The following SLC35F3 variants were observed in gnomAD, a reference collection of about 807,000 sequenced individuals.
The protein encoded by SLC35F3 is putative thiamine transporter SLC35F3.
In SLC35F3, 25 loss-of-function variants were observed where a neutral mutation model predicts 49.9. That is an observed-to-expected ratio of 0.50 (90% CI 0.37 to 0.70). The LOEUF (loss-of-function observed/expected upper bound fraction) is 0.70. Ranked by LOEUF, SLC35F3 falls within the 30% of genes least tolerant of loss-of-function variation. The pLI, the probability that SLC35F3 is intolerant of heterozygous loss-of-function variation, is 0.00. For missense variants in SLC35F3, 525 were observed against 639.8 expected, an observed-to-expected ratio of 0.82 and a Z score of 1.94; for synonymous variants, 275 against 265.4, an observed-to-expected ratio of 1.04 and a Z score of -0.35.
chr1:233,925,954 A>G (rs1662150753), intron 2 of SLC35F3, among the ~76,000 whole-genome samples: 1 of 152,178 alleles, frequency 6.6e-6, no homozygotes, highest in African/African-American at 2.4e-5. Context: ...AATGTTGAAT[A>G]TTGGCCCCCA....
At chr1:234,301,836 A>T (rs1572142587) in intron 3 of SLC35F3, among the ~76,000 whole-genome samples, 1 of 152,370 alleles carries the variant, frequency 6.6e-6, no homozygotes, top group Admixed American at 6.5e-5. Context: ...CAGTACATAT[A>T]CACCATGGAA....
At chr1:234,091,395 A>G (rs1392130199) in intron 2 of SLC35F3, among the ~76,000 whole-genome samples, 4 of 152,192 alleles carry the variant, frequency 2.6e-5, no homozygotes, top group African/African-American at 9.7e-5. Flanking sequence ...GATATGCAGC[A>G]AACACTCACC....
intron 2 of SLC35F3, among the ~76,000 whole-genome samples, chr1:234,017,704 A>G (rs1663825088): frequency 1.6e-5 from 2 of 125,400 alleles, no homozygotes; most frequent in South Asian, 5.9e-4. Flanking sequence ...ACAGAGCGAG[A>G]CTTTGTCTCA....
rs139071492 is a variant in SLC35F3 at position 234,036,202 on chromosome 1, A to T, written c.283+130444A>T. ...CTCAGCCTCCCAAGTAGCTGGGACT[A>T]CAGGTGTGCACTACCATGCCCAGCT... On this transcript the variant is annotated intron_variant, in intron 2 of 7. Coordinates refer to ENST00000366618, the MANE Select transcript of SLC35F3 (RefSeq NM_173508.4). Among the ~76,000 whole-genome samples, 334 of 152,272 alleles carry T rather than the reference A, an allele frequency of 2.2e-3. 3 individuals carry two copies. Among genetic ancestry groups the T allele is most frequent in the African/African-American group, 7.6e-3 (315 of 41,548 alleles).
At chr1:234,237,560 A>G (rs1338428309) in intron 3 of SLC35F3, among the ~76,000 whole-genome samples, 2 of 152,168 alleles carry the variant, frequency 1.3e-5, no homozygotes, top group Admixed American at 6.5e-5. Context: ...CAGGCCTCAC[A>G]TTTCAGAAAG....
intron 2 of SLC35F3, among the ~76,000 whole-genome samples, chr1:234,220,234 G>A (rs12239787): frequency 0.17 from 25,209 of 151,438 alleles, 3,819 homozygotes; most frequent in East Asian, 0.8. Flanking sequence ...AATAAAAACT[G>A]CCACTGTCTA....
chr1:234,165,821 T>C lies in SLC35F3; in HGVS notation c.284-65596T>C, dbSNP rs563445358. Among the ~76,000 whole-genome samples, 58 of 152,302 alleles carry C rather than the reference T, an allele frequency of 3.8e-4. No individual in the cohort carries two copies. The South Asian group carries it at 0.011, about 28-fold the overall frequency. On this transcript the variant is annotated intron_variant, in intron 2 of 7. Transcript: ENST00000366618. ...GTACCCCTCACCCAAGTCGTGTACATTGTACCCTGTGGGTAGTTTTTCATC... is the reference window on the plus strand; with the variant it reads ...GTACCCCTCACCCAAGTCGTGTACACTGTACCCTGTGGGTAGTTTTTCATC...
chr1:233,944,216 C>CA (rs1194556671), intron 2 of SLC35F3, among the ~76,000 whole-genome samples: 2 of 151,874 alleles, frequency 1.3e-5, no homozygotes, highest in Non-Finnish European at 2.9e-5. Context: ...GATTGAGACA[C>CA]AAAAAAACAT....
intron 3 of SLC35F3, among the ~76,000 whole-genome samples, chr1:234,252,803 A>AATTTTT (rs1276840160): frequency 6.6e-6 from 1 of 152,244 alleles, no homozygotes; most frequent in Non-Finnish European, 1.5e-5. Context: ...TATGTGGAGT[A>AATTTTT]ATTTTTATAA....
intron 2 of SLC35F3, among the ~76,000 whole-genome samples, chr1:234,062,430 T>G (rs1664554903): frequency 6.6e-6 from 1 of 152,228 alleles, no homozygotes; most frequent in African/African-American, 2.4e-5. Flanking sequence ...ATTGTGGCTC[T>G]TTTGAATAGT....
intron 2 of SLC35F3, among the ~76,000 whole-genome samples, chr1:233,988,924 G>A (rs1231656172): frequency 6.6e-6 from 1 of 152,184 alleles, no homozygotes; most frequent in African/African-American, 2.4e-5. Flanking sequence ...GATCATGGTG[G>A]TGGAAAGCAA....
intron 2 of SLC35F3, among the ~76,000 whole-genome samples, chr1:233,955,557 G>A (rs1367237766): frequency 6.6e-6 from 1 of 152,084 alleles, no homozygotes; most frequent in East Asian, 1.9e-4. Context: ...AGGATGATGT[G>A]TGTGAAGTGG....
At chr1:234,176,088 G>GCAGA (rs1261465267) in intron 2 of SLC35F3, among the ~76,000 whole-genome samples, 2 of 152,154 alleles carry the variant, frequency 1.3e-5, no homozygotes, top group Admixed American at 6.5e-5. Flanking sequence ...GGATCAGAAG[G>GCAGA]CAGAGCATGG....
At chr1:234,008,747 G>A (rs894617318) in intron 2 of SLC35F3, among the ~76,000 whole-genome samples, 5 of 152,142 alleles carry the variant, frequency 3.3e-5, no homozygotes, top group African/African-American at 1.2e-4. Flanking sequence ...TCCTAAAATG[G>A]CACTTGCTTC....
At chr1:234,305,036 T>A (rs1657112560) in intron 3 of SLC35F3, among the ~76,000 whole-genome samples, 2 of 152,192 alleles carry the variant, frequency 1.3e-5, no homozygotes, top group South Asian at 4.1e-4. Context: ...AAGAAAAGCT[T>A]CCTTAGCTTG....
intron 2 of SLC35F3, among the ~76,000 whole-genome samples, chr1:233,997,318 G>T (rs1050078478): frequency 2.6e-5 from 4 of 151,974 alleles, no homozygotes; most frequent in African/African-American, 4.8e-5. Flanking sequence ...AATTTTGGGG[G>T]TATCTCCATA....
intron 2 of SLC35F3, among the ~76,000 whole-genome samples, chr1:233,909,060 T>C (rs950325640): frequency 2.0e-5 from 3 of 151,922 alleles, no homozygotes; most frequent in Non-Finnish European, 4.4e-5. Flanking sequence ...GGTTTCACCA[T>C]GTTGGTCAGG....
chr1:234,240,421 A>G (rs1275765581), intron 3 of SLC35F3, among the ~76,000 whole-genome samples: 2 of 151,864 alleles, frequency 1.3e-5, no homozygotes, highest in Non-Finnish European at 2.9e-5. Flanking sequence ...CCTGGCCAAC[A>G]TGACAAAACC....
At chr1:234,141,360 G>A (rs1393599916) in intron 2 of SLC35F3, among the ~76,000 whole-genome samples, 3 of 152,118 alleles carry the variant, frequency 2.0e-5, no homozygotes, top group Admixed American at 2.0e-4. Context: ...CCTGCATGGT[G>A]AACAACTCCC....
Sources: gnomAD v4.1 joint callset for allele counts (sites outside exome capture counted in the v4.1 genomes callset) on GRCh38, gnomAD v4.1.1 for gene constraint, MANE v1.5 for transcripts, NCBI Gene and HGNC (gene_info 2026-07-23, HGNC 2026-07-21) for gene names.